The following SLC8B1 variants were observed in gnomAD, a reference collection of about 807,000 sequenced individuals.
SLC8B1 encodes mitochondrial sodium/calcium exchanger protein.
In SLC8B1, 52 loss-of-function variants were observed where a neutral mutation model predicts 63.4. The observed-to-expected ratio is 0.82, with a 90% CI of 0.66 to 1.03. The LOEUF (loss-of-function observed/expected upper bound fraction) is 1.03. SLC8B1 is among the 50% of genes least tolerant of loss of function. SLC8B1 has a pLI of 0.00. For missense variants in SLC8B1, 657 were observed against 741.7 expected, an observed-to-expected ratio of 0.89 and a Z score of 1.33; for synonymous variants, 336 against 323.9, an observed-to-expected ratio of 1.04 and a Z score of -0.40.
chr12:113,320,508 G>C lies in SLC8B1; in HGVS notation c.527-10C>G. The stretch of plus-strand genomic sequence containing the variant: ...ACCAGCACGCCAGCGCCTGGGGGGA[G>C]GAGGCCAGAGCTCAGCCACCCTGCA... On this transcript the variant is annotated splice_polypyrimidine_tract_variant and intron_variant, in intron 6 of 15. Transcript: ENST00000680972. This position sits in a 1 kb window ranked among gnomAD's most constrained non-coding sequence, Gnocchi z 5.3. 6.2e-7 allele frequency: 1 copy of C among 1,614,000 alleles called. No individual in the cohort carries two copies. The highest frequency in any genetic ancestry group is 8.5e-7 in the Non-Finnish European group (1 of 1,180,010).
chr12:113,316,849 T>A, intron 9 of SLC8B1, 93 bp downstream of exon 9: 1 of 1,518,326 alleles, frequency 6.6e-7, no homozygotes. Flanking sequence ...TGGAGCCTCA[T>A]TCCTGGAGCC....
chr12:113,318,124 T>A (rs12426812), intron 8 of SLC8B1, among the ~76,000 whole-genome samples: 12,393 of 152,266 alleles, frequency 0.081, 658 homozygotes, highest in Middle Eastern at 0.15. Flanking sequence ...GTGTTGTGTA[T>A]CTGTGTATGT....
At position 113,332,965 on chromosome 12, in the gene SLC8B1, A is replaced by T. The variant is rs1957077578; in HGVS notation, c.-82-5T>A. On this transcript the variant is annotated splice_polypyrimidine_tract_variant and splice_region_variant and intron_variant, in intron 1 of 15. Coordinates refer to ENST00000680972, the MANE Select transcript of SLC8B1 (RefSeq NM_001358345.2). The stretch of plus-strand genomic sequence containing the variant: ...ACAGCTGGCGGCTCCGGTGGCCTGC[A>T]AGGTGGGAGTGAGAAAGGGGGACAA... The T allele has an allele frequency of 3.3e-6, 5 of 1,520,924 alleles. No individual in the cohort carries two copies. Among genetic ancestry groups the T allele is most frequent in the Non-Finnish European group, 4.4e-6 (5 of 1,126,990 alleles). 94.2% of individuals were successfully genotyped at this position (1,520,924 alleles called of 1,614,324 possible).
At position 113,305,079 on chromosome 12, in the gene SLC8B1, G is replaced by A. The variant is rs558400713; in HGVS notation, c.1493-694C>T. ...AGGGTGCCAGGAATGCTTGGCGCATGTAAGCACTCAGTAGGTGGGGAAACC... is the reference window on the plus strand; with the variant it reads ...AGGGTGCCAGGAATGCTTGGCGCATATAAGCACTCAGTAGGTGGGGAAACC... On this transcript the variant is annotated intron_variant, in intron 14 of 15. Transcript: ENST00000680972. This position sits in a 1 kb window ranked among gnomAD's most constrained non-coding sequence, Gnocchi z 4.3. Among the ~76,000 whole-genome samples, 63 of 152,386 alleles carry A rather than the reference G, an allele frequency of 4.1e-4. No individual in the cohort carries two copies. The highest frequency in any genetic ancestry group is 3.3e-3 in the South Asian group (16 of 4,832).
At chr12:113,324,532 G>A (rs981629113) in intron 2 of SLC8B1, among the ~76,000 whole-genome samples, 2 of 148,758 alleles carry the variant, frequency 1.3e-5, no homozygotes, top group East Asian at 2.0e-4. Flanking sequence ...TCAGCCTCCC[G>A]AGTAGCTGGG....
rs868356592 is a variant in SLC8B1 at position 113,307,145 on chromosome 12, A to C, written c.1411+546T>G. On this transcript the variant is annotated intron_variant, in intron 13 of 15. Coordinates refer to ENST00000680972, the MANE Select transcript of SLC8B1 (RefSeq NM_001358345.2). ...AAAAAAAAAAAAAAAAAAAAAAAAA[A>C]AAAAAACTACGGCTACCAATTTTTC... Among the ~76,000 whole-genome samples, 443 of 143,686 alleles carry C rather than the reference A, an allele frequency of 3.1e-3. 2 individuals are homozygous for C. The highest frequency in any genetic ancestry group is 0.011 in the African/African-American group (412 of 37,848). 94.3% of individuals were successfully genotyped at this position (143,686 alleles called of 152,430 possible).
intron 12 of SLC8B1, 30 bp downstream of exon 12, chr12:113,310,204 C>G (rs1489213805): frequency 1.2e-6 from 2 of 1,608,002 alleles, no homozygotes; most frequent in African/African-American, 2.7e-5. Context: ...CATCCCTCCC[C>G]CCCCATCTCG....
intron 15 of SLC8B1, among the ~76,000 whole-genome samples, chr12:113,303,031 T>C (rs1956613325): frequency 6.7e-6 from 1 of 148,514 alleles, no homozygotes; most frequent in South Asian, 2.1e-4. Flanking sequence ...ACACATTTCC[T>C]AAACTCAGCA....
intron 2 of SLC8B1, among the ~76,000 whole-genome samples, chr12:113,329,966 C>T (rs1348373535): frequency 6.6e-6 from 1 of 152,172 alleles, no homozygotes; most frequent in East Asian, 1.9e-4. Context: ...TCTGCTCCTG[C>T]CCCAGGGCCT....
chr12:113,307,927 G>A, intron 12 of SLC8B1, 83 bp from the exon 13 acceptor site: 1 of 1,506,574 alleles, frequency 6.6e-7, no homozygotes, highest in Non-Finnish European at 8.9e-7. Flanking sequence ...GAAACGGGAT[G>A]ATAACAGTAT....
At chr12:113,319,965 T>C in intron 7 of SLC8B1, 1 of 192,554 alleles carries the variant, frequency 5.2e-6, no homozygotes, top group Admixed American at 5.3e-5. Context: ...GCTAAGTTTT[T>C]TCTTTTTTGT....
rs10641990 is a variant in SLC8B1, at chr12:113,321,780, T to TTATATATA, written c.157-440_157-433dup. On this transcript the variant is annotated intron_variant, in intron 2 of 15. Coordinates refer to ENST00000680972, the MANE Select transcript of SLC8B1 (RefSeq NM_001358345.2). The stretch of plus-strand genomic sequence containing the variant: ...TTGTTTCTATAATTTGCTTTTACCA[T>TTATATATA]TATATATATATATATATTAATATAC... Among the ~76,000 whole-genome samples, 162 of 145,712 alleles carry TTATATATA rather than the reference T, an allele frequency of 1.1e-3. 1 individual carries two copies. Among genetic ancestry groups the TTATATATA allele is most frequent in the African/African-American group, 4.1e-3 (156 of 38,376 alleles).
At chr12:113,317,093 G>T in intron 8 of SLC8B1, 92 bp from the exon 9 acceptor site, 1 of 1,086,502 alleles carries the variant, frequency 9.2e-7, no homozygotes. Flanking sequence ...CAAGTGTTCA[G>T]GCCATCTTAT....
rs1593247854 is a variant in SLC8B1, at chr12:113,315,421, T to C, written c.1049A>G (p.Asp350Gly). ...LTVPVVDPDK[D>G]DQNWKRPLNC... ...GAGGGGCCGTTTCCAGTTCTGGTCA[T>C]CCTTGTCCGGGTCCACGACGGGGAC... Residue 350 changes from aspartate to glycine, a missense_variant, in exon 11 of 16, where the codon GAT becomes GGT. Physicochemically the swap from Asp to Gly is moderately conservative, Grantham distance 94 (BLOSUM62 -1). Transcript: ENST00000680972. 1.9e-6 allele frequency: 3 copies of C among 1,597,080 alleles called. No individual in the cohort carries two copies. In the East Asian group the frequency reaches 6.8e-5, roughly 36 times the overall value.
At chr12:113,321,560 T>A (rs1407804111) in intron 2 of SLC8B1, among the ~76,000 whole-genome samples, 1 of 152,054 alleles carries the variant, frequency 6.6e-6, no homozygotes, top group African/African-American at 2.4e-5. Context: ...ATTTGTTTTT[T>A]AAAAAAACCA....
chr12:113,304,364 A>AC lies in SLC8B1; in HGVS notation c.1513_1514insG (p.Leu505ArgfsTer71), dbSNP rs1956642523. ...TCGGGAGATCTGGAGCAGGCAGCCCAGCCCCACACCCACGAGGATGTCTGC... is the reference window on the plus strand; with the variant it reads ...TCGGGAGATCTGGAGCAGGCAGCCCACGCCCCACACCCACGAGGATGTCTGC... On this transcript the variant is annotated frameshift_variant, in exon 15 of 16. Coordinates refer to ENST00000680972, the MANE Select transcript of SLC8B1 (RefSeq NM_001358345.2). LOFTEE classifies it high-confidence loss of function. 6.2e-7 allele frequency: 1 copy of AC among 1,613,918 alleles called. No individual in the cohort carries two copies. Among genetic ancestry groups the AC allele is most frequent in the Non-Finnish European group, 8.5e-7 (1 of 1,179,954 alleles).
intron 15 of SLC8B1, among the ~76,000 whole-genome samples, chr12:113,300,443 A>G (rs1365468511): frequency 6.6e-6 from 1 of 152,172 alleles, no homozygotes; most frequent in African/African-American, 2.4e-5. Flanking sequence ...ACATCGTGCT[A>G]CTGCACTCCA....
chr12:113,321,321 A>G lies in SLC8B1; in HGVS notation c.184T>C (p.Ser62Pro), dbSNP rs1175426852. The G allele has an allele frequency of 6.2e-7, 1 of 1,614,116 alleles. No homozygotes were observed. The highest frequency in any genetic ancestry group is 2.2e-5 in the East Asian group (1 of 44,880). The change falls in exon 3 of 16, where the codon TCT becomes CCT. Residue 62 changes from serine to proline, a missense_variant. Ser to Pro is a moderately conservative substitution (Grantham distance 74). Coordinates refer to ENST00000680972, the MANE Select transcript of SLC8B1 (RefSeq NM_001358345.2). ...DCRKVCGLNV[S>P]DRCDFIRTNP... ...GTCCGGATGAAGTCACAGCGGTCAG[A>G]GACATTCAGGCCACACACCTTGCGG...
At chr12:113,321,027 G>C in intron 4 of SLC8B1, 29 bp downstream of exon 4, 4 of 1,605,434 alleles carry the variant, frequency 2.5e-6, no homozygotes, top group Non-Finnish European at 3.4e-6. Flanking sequence ...CCATTGATAA[G>C]CCAGACCGGA....
Sources: gnomAD v4.1 joint callset for allele counts (sites outside exome capture counted in the v4.1 genomes callset) on GRCh38, gnomAD v4.1.1 for gene constraint, Gnocchi (gnomAD v3.1) non-coding constraint, MANE v1.5 for transcripts, NCBI Gene and HGNC (gene_info 2026-07-23, HGNC 2026-07-21) for gene names.